ZNF346: variants seen among roughly 807,000 people sequenced by gnomAD.
The protein encoded by ZNF346 is double-stranded RNA-binding zinc finger protein JAZ.
ZNF346 carries 23 observed loss-of-function variants against 33.7 expected under a neutral mutation model. That is an observed-to-expected ratio of 0.68 (90% confidence interval 0.49 to 0.97). The LOEUF is 0.97. Among genes scored for constraint, ZNF346 ranks in the 50% least tolerant of loss-of-function variants. The pLI, the probability that ZNF346 is intolerant of heterozygous loss-of-function variation, is 0.00. For synonymous variants in ZNF346, 134 were observed against 142.4 expected (o/e 0.94, Z 0.42); for missense variants, 340 against 371.1 (o/e 0.92, Z 0.69).
chr5:177,050,403 G>C (rs1032250194), intron 4 of ZNF346, among the ~76,000 whole-genome samples: 1 of 152,202 alleles, frequency 6.6e-6, no homozygotes, highest in African/African-American at 2.4e-5. Context: ...TGCATCTCTA[G>C]TCTATTGTAA....
chr5:177,056,075 C>CAAAAAAA (rs386405776), intron 5 of ZNF346, among the ~76,000 whole-genome samples: 2 of 97,110 alleles, frequency 2.1e-5, no homozygotes, highest in Non-Finnish European at 4.0e-5. Context: ...GACTCCGTCT[C>CAAAAAAA]AAAAAAAAAA....
rs1388859319 is a variant in ZNF346 at position 177,065,345 on chromosome 5, C to T, written c.*746C>T. 1 of 152,690 alleles carries T rather than the reference C, an allele frequency of 6.5e-6. No individual in the cohort carries two copies. Among genetic ancestry groups the T allele is most frequent in the Non-Finnish European group, 1.5e-5 (1 of 68,078 alleles). The allele number at this position is 152,690 out of a possible 1,614,324, so 9.5% of individuals were successfully genotyped here. A position where few individuals can be genotyped will look rare whatever the true frequency, so the allele number is the denominator to read the frequency against. On this transcript the variant is annotated 3_prime_UTR_variant, in exon 7 of 7. Transcript: ENST00000358149. Reference sequence around the variant, plus strand: ...CCAATGGGGATGGGACCTTTCCCCTCCTCCATCAGAGGTGCTCTGACCCTA... The same window carrying T: ...CCAATGGGGATGGGACCTTTCCCCTTCTCCATCAGAGGTGCTCTGACCCTA...
At chr5:177,047,440 G>A (rs1780234109) in intron 4 of ZNF346, among the ~76,000 whole-genome samples, 1 of 151,434 alleles carries the variant, frequency 6.6e-6, no homozygotes, top group African/African-American at 2.4e-5. Flanking sequence ...CCAGGTTCAA[G>A]CAATTCTCCT....
chr5:177,054,337 C>T (rs1049643763), intron 5 of ZNF346, among the ~76,000 whole-genome samples: 2 of 151,906 alleles, frequency 1.3e-5, no homozygotes, highest in Admixed American at 6.6e-5. Flanking sequence ...TCCCAAAGTG[C>T]TGGGATTACA....
At chr5:177,054,054 TATGA>T (rs1781337722) in intron 5 of ZNF346, among the ~76,000 whole-genome samples, 1 of 150,990 alleles carries the variant, frequency 6.6e-6, no homozygotes, top group South Asian at 2.1e-4. Flanking sequence ...TTAAAAAACT[TATGA>T]ATTGTTTACT....
chr5:177,045,507 A>T (rs1197045685), intron 4 of ZNF346, among the ~76,000 whole-genome samples: 1 of 152,024 alleles, frequency 6.6e-6, no homozygotes, highest in African/African-American at 2.4e-5. Context: ...GGTGCCCACC[A>T]CCATGCCCAG....
intron 5 of ZNF346, among the ~76,000 whole-genome samples, chr5:177,057,462 C>T (rs976805453): frequency 1.3e-5 from 2 of 148,962 alleles, no homozygotes; most frequent in Non-Finnish European, 3.0e-5. Flanking sequence ...CTCAGCCGGG[C>T]GTGGTGGCTC....
chr5:177,061,726 G>C (rs533255815), intron 5 of ZNF346, among the ~76,000 whole-genome samples: 76 of 152,334 alleles, frequency 5.0e-4, no homozygotes, highest in African/African-American at 1.7e-3. Context: ...CGTCCTTAAT[G>C]AGGCCACTTA....
chr5:177,034,473 C>T (rs1778194442), intron 1 of ZNF346, among the ~76,000 whole-genome samples: 1 of 152,056 alleles, frequency 6.6e-6, no homozygotes, highest in African/African-American at 2.4e-5. Flanking sequence ...GCGGTCCTTC[C>T]ACCTCAGCCT....
chr5:177,039,907 G>A (rs1163899778), intron 1 of ZNF346, among the ~76,000 whole-genome samples: 2 of 151,760 alleles, frequency 1.3e-5, no homozygotes, highest in Non-Finnish European at 2.9e-5. Flanking sequence ...TTGGCCGGGC[G>A]CGGTGGCTCA....
rs534970040 is a variant in ZNF346, at chr5:177,033,010, C to G, written c.176-8116C>G. ...TTAGGCCATACTGCCCATTAAAATA[C>G]TACATTGTCTAACCATTCTCATCCA... On this transcript the variant is annotated intron_variant, in intron 1 of 6. Coordinates refer to ENST00000358149, the MANE Select transcript of ZNF346 (RefSeq NM_012279.4). Among the ~76,000 whole-genome samples the G allele has an allele frequency of 3.9e-5, 6 of 152,312 alleles. No individual in the cohort carries two copies. The East Asian group carries it at 9.6e-4, about 24-fold the overall frequency.
At chr5:177,023,326 C>T in intron 1 of ZNF346, 1 of 925,648 alleles carries the variant, frequency 1.1e-6, no homozygotes, top group Non-Finnish European at 1.7e-6. Flanking sequence ...TCCCTTCTCT[C>T]AAGCCCCACA....
chr5:177,067,559 C>T lies in ZNF346; in HGVS notation c.*2960C>T, dbSNP rs1019336998. Reference sequence around the variant, plus strand: ...GCAGGGGGTGAGTGGGCTATCATACCGTGAGCCTCCGGCCTGCAAGACCAC... The same window carrying T: ...GCAGGGGGTGAGTGGGCTATCATACTGTGAGCCTCCGGCCTGCAAGACCAC... On this transcript the variant is annotated 3_prime_UTR_variant, in exon 7 of 7. Transcript: ENST00000358149. Among the ~76,000 whole-genome samples the T allele has an allele frequency of 1.3e-5, 2 of 152,168 alleles. No homozygotes were observed. Among genetic ancestry groups the T allele is most frequent in the Non-Finnish European group, 2.9e-5 (2 of 68,034 alleles).
intron 1 of ZNF346, among the ~76,000 whole-genome samples, chr5:177,033,815 A>G (rs553326604): frequency 6.6e-6 from 1 of 152,084 alleles, no homozygotes; most frequent in Non-Finnish European, 1.5e-5. Flanking sequence ...GAGCCACCGC[A>G]CCTGGCCCAG....
intron 1 of ZNF346, among the ~76,000 whole-genome samples, chr5:177,035,866 C>T (rs1320843454): frequency 6.6e-6 from 1 of 151,982 alleles, no homozygotes; most frequent in Non-Finnish European, 1.5e-5. Flanking sequence ...GTCTTGAACT[C>T]CTGGCCTCGT....
intron 5 of ZNF346, among the ~76,000 whole-genome samples, chr5:177,057,436 T>G (rs567210298): frequency 2.0e-5 from 3 of 151,360 alleles, no homozygotes; most frequent in Admixed American, 6.6e-5. Flanking sequence ...ATAACATGAC[T>G]TTAAAATCCA....
intron 1 of ZNF346, among the ~76,000 whole-genome samples, chr5:177,026,731 T>C (rs1273224511): frequency 1.3e-5 from 2 of 152,194 alleles, no homozygotes; most frequent in African/African-American, 4.8e-5. Flanking sequence ...ACACAAAATA[T>C]GATTTGAAGA....
chr5:177,070,630 C>CA (rs1168762891), downstream of ZNF346, among the ~76,000 whole-genome samples: 1 of 152,116 alleles, frequency 6.6e-6, no homozygotes, highest in Non-Finnish European at 1.5e-5. Context: ...TAGTGCCTTA[C>CA]ACATGATAAA....
chr5:177,062,220 C>T lies in ZNF346; in HGVS notation c.797+69C>T, dbSNP rs943708376. On this transcript the variant is annotated intron_variant, in intron 6 of 6. Transcript: ENST00000358149. ...TCAGGACTTCTGCATCAGAACAAAGCCAGGTAGTTCTCGGCTGAAATGGAA... is the reference window on the plus strand; with the variant it reads ...TCAGGACTTCTGCATCAGAACAAAGTCAGGTAGTTCTCGGCTGAAATGGAA... 2.3e-6 allele frequency: 3 copies of T among 1,303,864 alleles called. No individual in the cohort carries two copies. In the African/African-American group the frequency reaches 4.4e-5, roughly 19 times the overall value. 80.8% of individuals were successfully genotyped at this position (1,303,864 alleles called of 1,614,324 possible). A position where few individuals can be genotyped will look rare whatever the true frequency, so the allele number is the denominator to read the frequency against.
Sources: gnomAD v4.1 joint callset for allele counts (sites outside exome capture counted in the v4.1 genomes callset) on GRCh38, gnomAD v4.1.1 for gene constraint, MANE v1.5 for transcripts, NCBI Gene and HGNC (gene_info 2026-07-23, HGNC 2026-07-21) for gene names.